ZDHHC15: variants seen among roughly 807,000 people sequenced by gnomAD.
ZDHHC15 encodes the protein palmitoyltransferase ZDHHC15.
In ZDHHC15, 19 loss-of-function variants were observed where a neutral mutation model predicts 31.7. The ratio of observed to expected loss-of-function variants is 0.60; its 90% CI spans 0.42 to 0.88. The LOEUF (loss-of-function observed/expected upper bound fraction) is 0.88, where lower values mean the gene tolerates loss of function less well. Among genes scored for constraint, ZDHHC15 ranks in the 40% least tolerant of loss-of-function variants. ZDHHC15 has a pLI of 0.00. For synonymous variants in ZDHHC15, 103 were observed against 90.0 expected, an observed-to-expected ratio of 1.14 and a Z score of -0.82; for missense variants, 209 against 251.2, an observed-to-expected ratio of 0.83 and a Z score of 1.14.
intron 8 of ZDHHC15, among the ~76,000 whole-genome samples, chrX:75,422,463 T>C (rs1328879957): frequency 8.9e-6 from 1 of 112,071 alleles, no homozygotes; most frequent in African/African-American, 3.2e-5. Flanking sequence ...ATGAAAGTGT[T>C]CATGCTGAAG....
chrX:75,475,510 G>A (rs1018129207), intron 3 of ZDHHC15, among the ~76,000 whole-genome samples: 3 of 112,150 alleles, frequency 2.7e-5, no homozygotes, highest in Non-Finnish European at 1.9e-5. Context: ...TAGCATGGTT[G>A]TTGAAGATTT....
At chrX:75,459,002 A>C (rs1157493474) in intron 3 of ZDHHC15, among the ~76,000 whole-genome samples, 2 of 95,923 alleles carry the variant, frequency 2.1e-5, no homozygotes, top group Admixed American at 1.2e-4. Flanking sequence ...AAAAAAAAAA[A>C]AAAAAAAAAC....
intron 2 of ZDHHC15, among the ~76,000 whole-genome samples, chrX:75,490,285 T>A (rs946905063): frequency 7.2e-5 from 8 of 111,140 alleles, no homozygotes; most frequent in African/African-American, 2.6e-4. Context: ...AGACACATAA[T>A]TGTCAGATTC....
chrX:75,411,503 C>T (rs1400682386), intron 10 of ZDHHC15, among the ~76,000 whole-genome samples: 5 of 112,772 alleles, frequency 4.4e-5, no homozygotes, highest in Middle Eastern at 9.2e-3. Flanking sequence ...CGAGCCACCG[C>T]GCCCAGCCTG....
At position 75,431,530 on chromosome X, in the gene ZDHHC15, A is replaced by G; in HGVS notation, c.380-10T>C. The G allele has an allele frequency of 8.3e-7, 1 of 1,206,481 alleles. No homozygotes were observed. The highest frequency in any genetic ancestry group is 1.1e-6 in the Non-Finnish European group (1 of 892,973). The stretch of plus-strand genomic sequence containing the variant: ...TCACAGAATCGTACAGCTATAAAAA[A>G]AAAAATAAGGTGGTTAGCACTTGTT... On this transcript the variant is annotated splice_polypyrimidine_tract_variant and intron_variant, in intron 4 of 11. Coordinates refer to ENST00000373367, the MANE Select transcript of ZDHHC15 (RefSeq NM_144969.3).
At chrX:75,462,397 C>A (rs188663220) in intron 3 of ZDHHC15, among the ~76,000 whole-genome samples, 1 of 112,110 alleles carries the variant, frequency 8.9e-6, no homozygotes, top group Admixed American at 9.5e-5. Flanking sequence ...ATATGCAGAA[C>A]CCGAACACAT....
At chrX:75,385,167 T>A (rs1224834367) in intron 10 of ZDHHC15, among the ~76,000 whole-genome samples, 1 of 111,754 alleles carries the variant, frequency 8.9e-6, no homozygotes, top group Non-Finnish European at 1.9e-5. Flanking sequence ...GCACAGAATG[T>A]CACCCACAGA....
chrX:75,392,345 A>G (rs2083253730), intron 10 of ZDHHC15, among the ~76,000 whole-genome samples: 2 of 112,014 alleles, frequency 1.8e-5, no homozygotes, highest in South Asian at 7.4e-4. Context: ...CCACACTGAC[A>G]GCTGATTAGA....
chrX:75,449,400 A>T (rs2084083514), intron 4 of ZDHHC15, among the ~76,000 whole-genome samples: 1 of 111,431 alleles, frequency 9.0e-6, no homozygotes, highest in Non-Finnish European at 1.9e-5. Flanking sequence ...AAGGTCCCAG[A>T]GAATAGTCAG....
chrX:75,487,435 T>C (rs775883152), intron 2 of ZDHHC15, among the ~76,000 whole-genome samples: 13 of 111,394 alleles, frequency 1.2e-4, no homozygotes, highest in Non-Finnish European at 2.3e-4. Flanking sequence ...ACAATAAGAA[T>C]CACTGAAGTC....
intron 10 of ZDHHC15, among the ~76,000 whole-genome samples, chrX:75,402,675 G>T (rs1602569003): frequency 1.8e-5 from 2 of 110,810 alleles, no homozygotes; most frequent in South Asian, 7.8e-4. Flanking sequence ...CCCTCCTAAG[G>T]CTGAACAAAG....
intron 10 of ZDHHC15, among the ~76,000 whole-genome samples, chrX:75,393,322 A>T (rs772679992): frequency 9.0e-6 from 1 of 111,351 alleles, no homozygotes; most frequent in Non-Finnish European, 1.9e-5. Flanking sequence ...CACTGAGGGA[A>T]ATCTTAGCAG....
intron 3 of ZDHHC15, among the ~76,000 whole-genome samples, chrX:75,471,233 C>G (rs953393637): frequency 1.8e-5 from 2 of 112,339 alleles, no homozygotes; most frequent in African/African-American, 6.5e-5. Flanking sequence ...CAGTAATATA[C>G]CTTTATTGTC....
At chrX:75,419,973 T>G (rs1359270773) in intron 9 of ZDHHC15, among the ~76,000 whole-genome samples, 1 of 91,157 alleles carries the variant, frequency 1.1e-5, no homozygotes, top group Non-Finnish European at 2.2e-5. Context: ...GGGGGAGGGA[T>G]AGCATTAGGA....
intron 4 of ZDHHC15, among the ~76,000 whole-genome samples, chrX:75,444,042 T>C (rs1182033777): frequency 2.7e-5 from 3 of 110,434 alleles, no homozygotes; most frequent in African/African-American, 9.8e-5. Context: ...AGTTCAACCA[T>C]TGTGAAAGTC....
chrX:75,493,060 A>T lies in ZDHHC15; in HGVS notation c.163+12761T>A, dbSNP rs184404868. Among the ~76,000 whole-genome samples, 3 of 112,048 alleles carry T rather than the reference A, an allele frequency of 2.7e-5. No individual in the cohort carries two copies. In the East Asian group the frequency reaches 8.4e-4, roughly 31 times the overall value. Reference sequence around the variant, plus strand: ...GCAAGACTAATAAAGAAGAAAAGAGAGCAGAATCAAATAGATACAATACAA... The same window carrying T: ...GCAAGACTAATAAAGAAGAAAAGAGTGCAGAATCAAATAGATACAATACAA... On this transcript the variant is annotated intron_variant, in intron 2 of 11. Transcript: ENST00000373367.
intron 4 of ZDHHC15, among the ~76,000 whole-genome samples, chrX:75,437,958 A>T (rs940994983): frequency 1.8e-5 from 2 of 111,174 alleles, no homozygotes; most frequent in African/African-American, 3.3e-5. Context: ...CCCATCAAAA[A>T]GTGGGCAAAG....
chrX:75,490,182 G>C (rs999217994), intron 2 of ZDHHC15, among the ~76,000 whole-genome samples: 1 of 111,873 alleles, frequency 8.9e-6, no homozygotes, highest in African/African-American at 3.2e-5. Context: ...TATTATCCAG[G>C]AGAACTTCCC....
intron 10 of ZDHHC15, among the ~76,000 whole-genome samples, chrX:75,409,125 G>A (rs775648506): frequency 1.8e-5 from 2 of 111,420 alleles, no homozygotes; most frequent in East Asian, 5.7e-4. Flanking sequence ...AACAAAAAAA[G>A]ACCCCAAATA....
Sources: allele counts gnomAD v4.1 joint callset (sites outside exome capture counted in the v4.1 genomes callset), GRCh38; gene constraint gnomAD v4.1.1; transcripts MANE v1.5; gene names NCBI Gene and HGNC (gene_info 2026-07-23, HGNC 2026-07-21).